The following KALRN variants were observed in gnomAD, a reference collection of about 807,000 sequenced individuals.
KALRN encodes the protein kalirin RhoGEF kinase.
Under a neutral mutation model 353.7 loss-of-function variants are expected in KALRN, and 70 were observed. That is an observed-to-expected ratio of 0.20 (90% CI 0.16 to 0.24). KALRN has a LOEUF of 0.24. Among genes scored for constraint, KALRN ranks in the 10% least tolerant of loss-of-function variants. KALRN has a pLI of 1.00. For missense variants in KALRN, 2,791 were observed against 3,756.7 expected, an observed-to-expected ratio of 0.74 and a Z score of 6.72; for synonymous variants, 1,391 against 1,434.8, an observed-to-expected ratio of 0.97 and a Z score of 0.69.
At chr3:124,491,034 AC>A (rs2063104384) in intron 30 of KALRN, 150 bp downstream of exon 30, 2 of 692,912 alleles carry the variant, frequency 2.9e-6, no homozygotes, top group Admixed American at 5.9e-5. Flanking sequence ...TTTGGAAAGC[AC>A]CCCACTCACC....
At chr3:124,153,965 G>C (rs528652152) in intron 1 of KALRN, among the ~76,000 whole-genome samples, 3 of 152,214 alleles carry the variant, frequency 2.0e-5, no homozygotes, top group East Asian at 3.9e-4. Context: ...TGATGGGGTT[G>C]TTTGTTTTTT....
chr3:124,259,227 ACATACCTGTAC>A (rs1027798208), intron 3 of KALRN, among the ~76,000 whole-genome samples: 5 of 152,226 alleles, frequency 3.3e-5, no homozygotes, highest in African/African-American at 1.2e-4. Context: ...CTAGGCTCTG[ACATACCTGTAC>A]CAGACAGGCA....
At chr3:124,306,564 C>T (rs199686813) in intron 6 of KALRN, among the ~76,000 whole-genome samples, 1 of 151,654 alleles carries the variant, frequency 6.6e-6, no homozygotes, top group South Asian at 2.1e-4. Context: ...GAGGAAGAAA[C>T]AGAAAAAAAT....
At chr3:124,162,370 G>A (rs1446327197) in intron 1 of KALRN, 1 of 152,148 alleles carries the variant, frequency 6.6e-6, no homozygotes, top group Non-Finnish European at 1.5e-5. Flanking sequence ...GGAGTTGGAA[G>A]GAACTTGGAA....
intron 1 of KALRN, among the ~76,000 whole-genome samples, chr3:124,115,991 A>G (rs1157663873): frequency 6.6e-6 from 1 of 152,210 alleles, no homozygotes; most frequent in African/African-American, 2.4e-5. Context: ...AAATTTGGTG[A>G]CTTAAAACTT....
chr3:124,355,041 C>T (rs2083237521), intron 10 of KALRN, among the ~76,000 whole-genome samples: 1 of 152,160 alleles, frequency 6.6e-6, no homozygotes, highest in South Asian at 2.1e-4. Context: ...AGTGGGAGTC[C>T]TCAAGCTCCC....
intron 34 of KALRN, among the ~76,000 whole-genome samples, chr3:124,613,710 G>T (rs751985862): frequency 1.3e-5 from 2 of 152,120 alleles, no homozygotes; most frequent in African/African-American, 2.4e-5. Context: ...AGCTTCTAAG[G>T]TTCTCACTGA....
chr3:124,530,815 T>A (rs896074618), intron 33 of KALRN, among the ~76,000 whole-genome samples: 15 of 152,176 alleles, frequency 9.9e-5, no homozygotes, highest in African/African-American at 3.6e-4. Context: ...TTATTTTTCC[T>A]GCCACTCTTT....
At chr3:124,385,695 G>C (rs540287438) in intron 11 of KALRN, among the ~76,000 whole-genome samples, 1 of 152,086 alleles carries the variant, frequency 6.6e-6, no homozygotes, top group African/African-American at 2.4e-5. Context: ...GAAAGGAGAA[G>C]GAAGGATAGA....
chr3:124,422,687 T>G, intron 14 of KALRN, 125 bp from the exon 15 acceptor site: 1 of 725,354 alleles, frequency 1.4e-6, no homozygotes, highest in Non-Finnish European at 2.3e-6. Context: ...CAGAGGAATA[T>G]TTAGGGTTTG....
At chr3:124,547,459 C>T (rs112518089) in intron 33 of KALRN, among the ~76,000 whole-genome samples, 2,525 of 152,060 alleles carry the variant, frequency 0.017, 68 homozygotes, top group African/African-American at 0.057. Flanking sequence ...TCTACAGGCT[C>T]ATACCACCAT....
intron 10 of KALRN, among the ~76,000 whole-genome samples, chr3:124,384,304 C>A (rs747230907): frequency 3.9e-5 from 6 of 152,184 alleles, no homozygotes; most frequent in Non-Finnish European, 7.3e-5. Context: ...CTGGCTGTGG[C>A]CGCTGCCTTC....
chr3:124,567,519 T>C (rs1405034308), intron 34 of KALRN, among the ~76,000 whole-genome samples: 1 of 152,310 alleles, frequency 6.6e-6, no homozygotes, highest in East Asian at 1.9e-4. Context: ...CTGCCTTTCC[T>C]GCTACTTTAC....
At chr3:124,094,750 G>C in intron 1 of KALRN, 1 of 1,120,778 alleles carries the variant, frequency 8.9e-7, no homozygotes, top group Non-Finnish European at 1.4e-6. Flanking sequence ...CGAGCCCAGC[G>C]TCAAGTGATT....
At chr3:124,083,214 T>C (rs2060633289) in intron 1 of KALRN, among the ~76,000 whole-genome samples, 1 of 152,210 alleles carries the variant, frequency 6.6e-6, no homozygotes, top group South Asian at 2.1e-4. Context: ...CACATATTTA[T>C]TGAGTGACTT....
intron 33 of KALRN, among the ~76,000 whole-genome samples, chr3:124,554,176 C>A (rs1262063292): frequency 6.6e-6 from 1 of 152,132 alleles, no homozygotes; most frequent in Non-Finnish European, 1.5e-5. Flanking sequence ...GGTAACATGG[C>A]GAAACCCCAT....
chr3:124,645,190 T>C (rs1204425800), intron 37 of KALRN, among the ~76,000 whole-genome samples: 1 of 152,254 alleles, frequency 6.6e-6, no homozygotes, highest in Non-Finnish European at 1.5e-5. Flanking sequence ...TTGTTTCTTG[T>C]AAATTTGTTT....
At chr3:124,626,368 T>C (rs749271061) in intron 34 of KALRN, among the ~76,000 whole-genome samples, 1 of 152,232 alleles carries the variant, frequency 6.6e-6, no homozygotes, top group Non-Finnish European at 1.5e-5. Flanking sequence ...CTGTAATCTT[T>C]TATTTTTAAA....
chr3:124,518,468 A>T (rs200884245), intron 33 of KALRN: 87 of 1,613,834 alleles, frequency 5.4e-5, no homozygotes, highest in Non-Finnish European at 6.9e-5. Flanking sequence ...TTTAGCGCGC[A>T]TCCTGGGACT....
Sources: gnomAD v4.1 joint callset for allele counts (sites outside exome capture counted in the v4.1 genomes callset) on GRCh38, gnomAD v4.1.1 for gene constraint, MANE v1.5 for transcripts, NCBI Gene and HGNC (gene_info 2026-07-23, HGNC 2026-07-21) for gene names.